The following NRXN1 variants were observed in gnomAD, a reference collection of about 807,000 sequenced individuals.
The protein encoded by NRXN1 is neurexin-1.
A neutral mutation model predicts 150.9 loss-of-function variants in NRXN1; 39 were observed. That is an observed-to-expected ratio of 0.26 (90% CI 0.20 to 0.34). The LOEUF is 0.34. NRXN1 is among the 10% of genes least tolerant of loss of function. The pLI, the probability that NRXN1 is intolerant of heterozygous loss-of-function variation, is 1.00. For missense variants in NRXN1, 1,815 were observed against 1,949.9 expected, an observed-to-expected ratio of 0.93 and a Z score of 1.30; for synonymous variants, 924 against 757.0, an observed-to-expected ratio of 1.22 and a Z score of -3.62.
intron 2 of NRXN1, among the ~76,000 whole-genome samples, chr2:51,001,531 T>C (rs1345750971): frequency 6.6e-6 from 1 of 152,024 alleles, no homozygotes; most frequent in African/African-American, 2.4e-5. Flanking sequence ...ACACCAGTTT[T>C]ACTGAGCTCC....
chr2:50,316,438 T>G (rs890608705), intron 17 of NRXN1, among the ~76,000 whole-genome samples: 7 of 151,988 alleles, frequency 4.6e-5, no homozygotes, highest in Non-Finnish European at 8.8e-5. Flanking sequence ...TAAATAGGAA[T>G]GTGGAAGTCA....
chr2:50,485,454 G>C (rs545683108), intron 15 of NRXN1, among the ~76,000 whole-genome samples: 1 of 152,352 alleles, frequency 6.6e-6, no homozygotes, highest in South Asian at 2.1e-4. Flanking sequence ...TCTCAGAGGA[G>C]GGTCTCCTGG....
intron 12 of NRXN1, among the ~76,000 whole-genome samples, chr2:50,521,730 A>T (rs149023254): frequency 1.1e-4 from 17 of 152,284 alleles, no homozygotes; most frequent in Non-Finnish European, 2.2e-4. Context: ...GTCAGACAAC[A>T]TATAGAAAAG....
At position 50,497,633 on chromosome 2, in the gene NRXN1, G is replaced by A. The variant is rs1438423570; in HGVS notation, c.2579C>T (p.Ser860Phe). The A allele has an allele frequency of 5.6e-6, 9 of 1,613,822 alleles. No individual in the cohort carries two copies. The highest frequency in any genetic ancestry group is 7.6e-6 in the Non-Finnish European group (9 of 1,179,858). ...GTGTCCAATGAAGTTGGAGGGGACAGAAGAAAGATACCGTCGTTCTGTGAT... is the reference window on the plus strand; with the variant it reads ...GTGTCCAATGAAGTTGGAGGGGACAAAAGAAAGATACCGTCGTTCTGTGAT... ...GIITERRYLS[S>F]VPSNFIGHLQ... The change falls in exon 14 of 23, where the codon TCT becomes TTT. Residue 860 changes from serine to phenylalanine, a missense_variant. By Grantham distance (155) the Ser-to-Phe change is radical. Coordinates refer to ENST00000401669, the MANE Select transcript of NRXN1 (RefSeq NM_001330078.2).
intron 16 of NRXN1, among the ~76,000 whole-genome samples, chr2:50,469,547 A>G (rs897129925): frequency 2.0e-5 from 3 of 151,556 alleles, no homozygotes; most frequent in African/African-American, 7.3e-5. Flanking sequence ...CCATGACATA[A>G]CAATCTTTAG....
chr2:50,694,850 T>A (rs563788552), intron 5 of NRXN1, among the ~76,000 whole-genome samples: 1 of 152,318 alleles, frequency 6.6e-6, no homozygotes, highest in South Asian at 2.1e-4. Flanking sequence ...TTAGCAATAG[T>A]CTTTCCTTGG....
intron 18 of NRXN1, among the ~76,000 whole-genome samples, chr2:50,103,266 A>C (rs1038121531): frequency 6.6e-6 from 1 of 152,186 alleles, no homozygotes; most frequent in Middle Eastern, 3.4e-3. Flanking sequence ...TGTGTGGTGG[A>C]ATGTCTTGTT....
At chr2:50,298,865 A>G (rs2073883937) in intron 17 of NRXN1, among the ~76,000 whole-genome samples, 1 of 152,156 alleles carries the variant, frequency 6.6e-6, no homozygotes, top group Admixed American at 6.6e-5. Context: ...TCTGTTGCTA[A>G]CCTCAAGTCA....
At chr2:50,626,716 G>A (rs375456240) in intron 5 of NRXN1, among the ~76,000 whole-genome samples, 45 of 151,954 alleles carry the variant, frequency 3.0e-4, no homozygotes, top group African/African-American at 1.0e-3. Context: ...TCTAAAATTA[G>A]CATAAAGGCA....
rs1032696658 is a variant in NRXN1, at chr2:50,538,495, G to C, written c.1901C>G (p.Ala634Gly). ...GLVFPTEVWT[A>G]LLNYGYVGCI... ...GCCCACGTAGCCATAGTTGAGCAGA[G>C]CAGTCCACACCTCGGTGGGGAAGAC... The change falls in exon 10 of 23, where the codon GCT becomes GGT. Residue 634 changes from alanine (A) to glycine (G), a missense_variant. Physicochemically the swap from Ala to Gly is moderately conservative, Grantham distance 60. Coordinates refer to ENST00000401669, the MANE Select transcript of NRXN1 (RefSeq NM_001330078.2). 1 of 1,613,140 alleles carries C rather than the reference G, an allele frequency of 6.2e-7. No individual in the cohort carries two copies. Among genetic ancestry groups the C allele is most frequent in the Non-Finnish European group, 8.5e-7 (1 of 1,179,282 alleles).
intron 17 of NRXN1, among the ~76,000 whole-genome samples, chr2:50,297,545 A>G (rs1041648449): frequency 1.3e-5 from 2 of 152,166 alleles, no homozygotes; most frequent in Non-Finnish European, 2.9e-5. Flanking sequence ...ATTACTATGG[A>G]CTTCACCCTA....
At chr2:50,588,219 A>C (rs1673489133) in intron 8 of NRXN1, among the ~76,000 whole-genome samples, 1 of 152,170 alleles carries the variant, frequency 6.6e-6, no homozygotes, top group East Asian at 1.9e-4. Context: ...CCAAAAGGCA[A>C]ATTCCGCAAA....
intron 2 of NRXN1, 24 bp downstream of exon 2, chr2:51,027,478 C>T (rs751673680): frequency 4.0e-6 from 6 of 1,493,944 alleles, no homozygotes; most frequent in South Asian, 2.7e-5. Context: ...CCCCGGCCCC[C>T]GTGGGTCGGG....
intron 17 of NRXN1, among the ~76,000 whole-genome samples, chr2:50,300,897 T>C (rs111831566): frequency 0.084 from 12,812 of 152,168 alleles, 625 homozygotes; most frequent in Middle Eastern, 0.14. Context: ...GGTTTCACCA[T>C]GTTGGCCAGG....
chr2:50,976,600 AG>A (rs1695881308), intron 2 of NRXN1, among the ~76,000 whole-genome samples: 1 of 152,062 alleles, frequency 6.6e-6, no homozygotes, highest in African/African-American at 2.4e-5. Flanking sequence ...GGGACCAAGT[AG>A]TTAATGTCTA....
intron 8 of NRXN1, among the ~76,000 whole-genome samples, chr2:50,573,889 G>A (rs902153300): frequency 1.3e-5 from 2 of 151,946 alleles, no homozygotes; most frequent in African/African-American, 4.8e-5. Flanking sequence ...AATGTGCCTA[G>A]GTTATATGAA....
intron 18 of NRXN1, among the ~76,000 whole-genome samples, chr2:50,173,769 G>A (rs923061211): frequency 2.0e-5 from 3 of 152,044 alleles, no homozygotes; most frequent in Non-Finnish European, 2.9e-5. Flanking sequence ...TACGAAGGGC[G>A]TGGCTTTAAA....
intron 19 of NRXN1, among the ~76,000 whole-genome samples, chr2:50,083,156 G>C (rs1055117538): frequency 6.6e-6 from 1 of 152,178 alleles, no homozygotes; most frequent in African/African-American, 2.4e-5. Context: ...AGTTTCCTGG[G>C]ATGGAACAAA....
At chr2:50,207,462 C>G (rs961595124) in intron 18 of NRXN1, 1 of 151,966 alleles carries the variant, frequency 6.6e-6, no homozygotes, top group Non-Finnish European at 1.5e-5. Context: ...TTAATATATA[C>G]AATTAAGAAA....
Sources: gnomAD v4.1 joint callset for allele counts (sites outside exome capture counted in the v4.1 genomes callset) on GRCh38, gnomAD v4.1.1 for gene constraint, MANE v1.5 for transcripts, NCBI Gene and HGNC (gene_info 2026-07-23, HGNC 2026-07-21) for gene names.